The following KLHL29 variants were observed in gnomAD, a reference collection of about 807,000 sequenced individuals.
KLHL29 encodes kelch like family member 29.
A neutral mutation model predicts 80.4 loss-of-function variants in KLHL29; 21 were observed. The observed-to-expected ratio is 0.26, with a 90% CI of 0.19 to 0.38. The LOEUF (loss-of-function observed/expected upper bound fraction) is 0.38. Among genes scored for constraint, KLHL29 ranks in the 10% least tolerant of loss-of-function variants. The pLI is 1.00. For synonymous variants in KLHL29, 511 were observed against 526.8 expected (o/e 0.97, Z 0.41); for missense variants, 867 against 1,223.9 (o/e 0.71, Z 4.35).
intron 5 of KLHL29, among the ~76,000 whole-genome samples, chr2:23,683,993 G>A (rs1404021079): frequency 6.6e-6 from 1 of 152,090 alleles, no homozygotes; most frequent in African/African-American, 2.4e-5. Context: ...GCTTGACTTG[G>A]TCTCCAATAC....
intron 3 of KLHL29, among the ~76,000 whole-genome samples, chr2:23,592,134 C>A (rs1431690904): frequency 6.6e-6 from 1 of 152,260 alleles, no homozygotes; most frequent in Non-Finnish European, 1.5e-5. Context: ...TAGAGACCCT[C>A]TGGAGGGGCC....
At chr2:23,590,910 T>A (rs1173974796) in intron 3 of KLHL29, among the ~76,000 whole-genome samples, 6 of 152,198 alleles carry the variant, frequency 3.9e-5, no homozygotes, top group Non-Finnish European at 8.8e-5. Context: ...TGAGAGGCCC[T>A]GATCGCCACA....
At chr2:23,649,873 C>T (rs1572466056) in intron 5 of KLHL29, among the ~76,000 whole-genome samples, 1 of 152,222 alleles carries the variant, frequency 6.6e-6, no homozygotes, top group Non-Finnish European at 1.5e-5. Context: ...CAGCAGACAC[C>T]GGCAGGGTAA....
chr2:23,449,672 T>C (rs1355255269), intron 1 of KLHL29, among the ~76,000 whole-genome samples: 1 of 152,146 alleles, frequency 6.6e-6, no homozygotes, highest in East Asian at 1.9e-4. Flanking sequence ...ATGCTCAAGG[T>C]CATGGTGGAA....
intron 2 of KLHL29, among the ~76,000 whole-genome samples, chr2:23,514,121 A>T (rs896552531): frequency 2.6e-4 from 39 of 152,180 alleles, no homozygotes; most frequent in African/African-American, 9.2e-4. Context: ...ACAGCCAGAA[A>T]TTGTATTCCT....
intron 1 of KLHL29, among the ~76,000 whole-genome samples, chr2:23,456,765 A>G (rs926183491): frequency 6.6e-6 from 1 of 152,182 alleles, no homozygotes; most frequent in Non-Finnish European, 1.5e-5. Flanking sequence ...CCCCCACCAA[A>G]AAAAGGGGGT....
chr2:23,552,488 G>A (rs947578724), intron 2 of KLHL29, among the ~76,000 whole-genome samples: 3 of 152,188 alleles, frequency 2.0e-5, no homozygotes, highest in African/African-American at 7.2e-5. Flanking sequence ...GGTGTTTAGG[G>A]TGAGGGTCCT....
At chr2:23,410,663 C>G (rs991134138) in intron 1 of KLHL29, among the ~76,000 whole-genome samples, 3 of 152,016 alleles carry the variant, frequency 2.0e-5, no homozygotes, top group African/African-American at 7.3e-5. Flanking sequence ...CTCTTCAGAC[C>G]TCTTGCTGCT....
chr2:23,478,522 A>G (rs1257677574), intron 2 of KLHL29, among the ~76,000 whole-genome samples: 1 of 152,186 alleles, frequency 6.6e-6, no homozygotes, highest in African/African-American at 2.4e-5. Flanking sequence ...AAATCACCCA[A>G]ATAAGTAAGA....
intron 2 of KLHL29, among the ~76,000 whole-genome samples, chr2:23,525,521 C>G (rs898888926): frequency 1.3e-5 from 2 of 152,236 alleles, no homozygotes; most frequent in African/African-American, 4.8e-5. Flanking sequence ...TCCTCTCTCT[C>G]CTGCGTGACC....
intron 1 of KLHL29, among the ~76,000 whole-genome samples, chr2:23,440,264 T>G (rs1572514529): frequency 6.6e-6 from 1 of 152,088 alleles, no homozygotes; most frequent in Non-Finnish European, 1.5e-5. Context: ...CTGGGAAAAC[T>G]GGCTAGCCAT....
intron 3 of KLHL29, among the ~76,000 whole-genome samples, chr2:23,633,562 C>G (rs1286351844): frequency 1.3e-5 from 2 of 151,346 alleles, no homozygotes; most frequent in Non-Finnish European, 2.9e-5. Context: ...CACAGGAATT[C>G]TGAGAGAGCT....
chr2:23,556,393 C>T (rs542136369), intron 2 of KLHL29, among the ~76,000 whole-genome samples: 11 of 152,090 alleles, frequency 7.2e-5, no homozygotes, highest in Admixed American at 1.3e-4. Context: ...AATCCCAGCA[C>T]TTTGAGAGGC....
At chr2:23,413,925 G>T (rs1463656827) in intron 1 of KLHL29, among the ~76,000 whole-genome samples, 2 of 152,130 alleles carry the variant, frequency 1.3e-5, no homozygotes, top group Non-Finnish European at 2.9e-5. Flanking sequence ...GGTTGTCTTT[G>T]GTCACTCACA....
At chr2:23,465,504 A>G (rs1403916588) in intron 1 of KLHL29, among the ~76,000 whole-genome samples, 2 of 152,152 alleles carry the variant, frequency 1.3e-5, no homozygotes, top group African/African-American at 4.8e-5. Flanking sequence ...CCTCATCGTG[A>G]GACAATTTCA....
intron 6 of KLHL29, among the ~76,000 whole-genome samples, chr2:23,685,905 A>G (rs990093352): frequency 6.6e-6 from 1 of 152,192 alleles, no homozygotes; most frequent in Non-Finnish European, 1.5e-5. Context: ...CAAACCAGCT[A>G]GAGAGGACAG....
chr2:23,497,207 A>G (rs1376135152), intron 2 of KLHL29, among the ~76,000 whole-genome samples: 1 of 152,048 alleles, frequency 6.6e-6, no homozygotes, highest in Admixed American at 6.5e-5. Flanking sequence ...CTTTCTTGGC[A>G]ACTGCGATTA....
intron 3 of KLHL29, among the ~76,000 whole-genome samples, chr2:23,586,396 C>G (rs995261210): frequency 7.7e-6 from 1 of 129,248 alleles, no homozygotes; most frequent in African/African-American, 3.0e-5. Flanking sequence ...GAGACGGACT[C>G]TTGTCCAGGC....
At chr2:23,442,771 C>A (rs1276567670) in intron 1 of KLHL29, among the ~76,000 whole-genome samples, 2 of 152,090 alleles carry the variant, frequency 1.3e-5, no homozygotes, top group African/African-American at 4.8e-5. Context: ...AGGGGCCATA[C>A]ACAGAGGCAT....
Sources: allele counts gnomAD v4.1 joint callset (sites outside exome capture counted in the v4.1 genomes callset), GRCh38; gene constraint gnomAD v4.1.1; transcripts MANE v1.5; gene names NCBI Gene and HGNC (gene_info 2026-07-23, HGNC 2026-07-21).